Variants in MDM2 observed in about 807,000 individuals in gnomAD.
The protein encoded by MDM2 is E3 ubiquitin-protein ligase Mdm2.
MDM2 carries 11 observed loss-of-function variants against 64.3 expected under a neutral mutation model. The observed-to-expected ratio is 0.17, with a 90% CI of 0.11 to 0.28. MDM2 has a LOEUF of 0.28. Ranked by LOEUF, MDM2 falls within the 10% of genes least tolerant of loss-of-function variation. The pLI, the probability that MDM2 is intolerant of heterozygous loss-of-function variation, is 1.00. For missense variants in MDM2, 388 were observed against 577.1 expected, an observed-to-expected ratio of 0.67 and a Z score of 3.36; for synonymous variants, 194 against 192.9, an observed-to-expected ratio of 1.01 and a Z score of -0.05.
chr12:68,808,630 T>TGGGGCAC (rs1880577007), intron 1 of MDM2, 139 bp downstream of exon 1: 3 of 1,209,936 alleles, frequency 2.5e-6, no homozygotes, highest in Non-Finnish European at 3.4e-6. Context: ...GCGCGGGGCA[T>TGGGGCAC]GGGGCACGTG....
At position 68,809,288 on chromosome 12, in the gene MDM2, C is replaced by T. The variant is rs772554005; in HGVS notation, c.95C>T (p.Thr32Ile). The T allele has an allele frequency of 2.5e-6, 4 of 1,613,598 alleles. No homozygotes were observed. The highest frequency in any genetic ancestry group is 2.7e-5 in the African/African-American group (2 of 74,990). The change falls in exon 2 of 11, where the codon ACC (threonine) becomes ATC (isoleucine). Residue 32 changes from threonine (T) to isoleucine (I), a missense_variant. Transcript: ENST00000258149. ...CAGATTCCAGCTTCGGAACAAGAGACCCTGGTTAGTATTTTTGTCTCGTGT... is the reference window on the plus strand; with the variant it reads ...CAGATTCCAGCTTCGGAACAAGAGATCCTGGTTAGTATTTTTGTCTCGTGT... ...TSQIPASEQE[T>I]LVRPKPLLLK... is the part of the protein sequence containing the mutation.
chr12:68,842,556 C>T lies in MDM2; in HGVS notation c.*2707C>T, dbSNP rs1046628148. ...AAAACAGATAATATGGATGTTTGAT[C>T]GCATCTCATTGTTAACTCTTTACTG... On this transcript the variant is annotated 3_prime_UTR_variant, in exon 11 of 11. Transcript: ENST00000258149. The T allele has an allele frequency of 1.2e-5, 4 of 345,472 alleles. No individual in the cohort carries two copies. Among genetic ancestry groups the T allele is most frequent in the Admixed American group, 3.9e-5 (1 of 25,368 alleles). 21.4% of individuals were successfully genotyped at this position (345,472 alleles called of 1,614,324 possible). A position where few individuals can be genotyped will look rare whatever the true frequency, so the allele number is the denominator to read the frequency against.
rs921447147 is a variant in MDM2, at chr12:68,842,098, A to G, written c.*2249A>G. The G allele has an allele frequency of 9.1e-5, 38 of 418,354 alleles. No homozygotes were observed. The Admixed American group carries it at 1.3e-3, about 14-fold the overall frequency. 25.9% of individuals were successfully genotyped at this position (418,354 alleles called of 1,614,324 possible). A position where few individuals can be genotyped will look rare whatever the true frequency, so the allele number is the denominator to read the frequency against. ...AGCATTCTGTAAAGCAACTGCTAAT[A>G]ATGAGCTTACAGTGGATTTGAATTT... On this transcript the variant is annotated 3_prime_UTR_variant, in exon 11 of 11. Transcript: ENST00000258149.
Position 68,843,150 on chromosome 12 carries a change from T to C in MDM2, c.*3301T>C. 2 of 223,614 alleles carry C rather than the reference T, an allele frequency of 8.9e-6. No homozygotes were observed. Among genetic ancestry groups the C allele is most frequent in the Non-Finnish European group, 1.8e-5 (2 of 112,064 alleles). 13.9% of individuals were successfully genotyped at this position (223,614 alleles called of 1,614,324 possible). ...TGGAAAACAATGTATGGGTAGAACA[T>C]GTGTCTGTTAATTGCACACAAAACC... On this transcript the variant is annotated 3_prime_UTR_variant, in exon 11 of 11. Coordinates refer to ENST00000258149, the MANE Select transcript of MDM2 (RefSeq NM_002392.6).
rs948600069 is a variant in MDM2 at position 68,845,164 on chromosome 12, T to C, written c.*5315T>C. Reference sequence around the variant, plus strand: ...CATTGTGAAAAGTTTTTAGTTGCGCTTTATGGGTGGATGCTGAATTACATT... The same window carrying C: ...CATTGTGAAAAGTTTTTAGTTGCGCCTTATGGGTGGATGCTGAATTACATT... On this transcript the variant is annotated 3_prime_UTR_variant, in exon 11 of 11. Transcript: ENST00000258149. The C allele has an allele frequency of 4.5e-6, 1 of 223,534 alleles. No individual in the cohort carries two copies. The highest frequency in any genetic ancestry group is 8.9e-6 in the Non-Finnish European group (1 of 112,234). The allele number at this position is 223,534 out of a possible 1,614,324, so 13.8% of individuals were successfully genotyped here. A position where few individuals can be genotyped will look rare whatever the true frequency, so the allele number is the denominator to read the frequency against.
intron 7 of MDM2, 150 bp downstream of exon 7, chr12:68,824,801 G>T: frequency 1.6e-6 from 1 of 608,014 alleles, no homozygotes; most frequent in Non-Finnish European, 2.9e-6. Context: ...GATTTTATTT[G>T]ATTTACAAAT....
At chr12:68,846,558 A>G (rs1045484117), downstream of MDM2, 1 of 152,118 alleles carries the variant, frequency 6.6e-6, no homozygotes, top group African/African-American at 2.4e-5. Context: ...ATCTCCCTAA[A>G]TGGATTTCAC....
intron 9 of MDM2, 64 bp downstream of exon 9, chr12:68,836,048 C>T (rs970219649): frequency 1.5e-6 from 2 of 1,325,128 alleles, no homozygotes; most frequent in Non-Finnish European, 2.0e-6. Flanking sequence ...TGTTCATTGA[C>T]TTTGAGATTG....
rs1187050235 is a variant in MDM2, at chr12:68,839,540, A to G, written c.1185A>G (p.Gln395=). The change falls in exon 11 of 11, where the codon CAA becomes CAG. Residue 395 remains glutamine, a synonymous_variant. Transcript: ENST00000258149. The stretch of plus-strand genomic sequence containing the variant: ...AAATTACACAAGCTTCACAATCACA[A>G]GAAAGTGAAGACTATTCTCAGCCAT... ...DDKITQASQS[Q]ESEDYSQPST... The G allele has an allele frequency of 7.4e-6, 12 of 1,613,888 alleles. No individual in the cohort carries two copies. The highest frequency in any genetic ancestry group is 9.3e-6 in the Non-Finnish European group (11 of 1,180,024).
At chr12:68,835,808 T>A in intron 8 of MDM2, 21 bp from the exon 9 acceptor site, 1 of 1,607,120 alleles carries the variant, frequency 6.2e-7, no homozygotes, top group Non-Finnish European at 8.5e-7. Context: ...TATTAAGTTA[T>A]ATATTTTTTT....
At chr12:68,825,627 G>A (rs1882250848) in intron 7 of MDM2, among the ~76,000 whole-genome samples, 1 of 152,132 alleles carries the variant, frequency 6.6e-6, no homozygotes, top group Admixed American at 6.5e-5. Context: ...CACTCCGCCT[G>A]GGCGACACAG....
chr12:68,832,181 T>C (rs954842554), intron 8 of MDM2, among the ~76,000 whole-genome samples: 15 of 152,176 alleles, frequency 9.9e-5, no homozygotes, highest in Non-Finnish European at 1.9e-4. Flanking sequence ...TTTGAGAATG[T>C]TGTAGTCATC....
Position 68,842,694 on chromosome 12 carries a change from T to C in MDM2, c.*2845T>C, listed in dbSNP as rs1214180575. 1.0e-5 allele frequency: 2 copies of C among 198,544 alleles called. No individual in the cohort carries two copies. The highest frequency in any genetic ancestry group is 2.1e-5 in the Non-Finnish European group (2 of 94,744). 12.3% of individuals were successfully genotyped at this position (198,544 alleles called of 1,614,324 possible). On this transcript the variant is annotated 3_prime_UTR_variant, in exon 11 of 11. Coordinates refer to ENST00000258149, the MANE Select transcript of MDM2 (RefSeq NM_002392.6). ...ATTCAAAAATTTATGGCTAGTGATA[T>C]ATATAAAGTAAAATTTTCTTTGCAG...
intron 8 of MDM2, among the ~76,000 whole-genome samples, chr12:68,833,635 GGCC>G (rs1565744433): frequency 6.6e-6 from 1 of 151,558 alleles, no homozygotes; most frequent in South Asian, 2.1e-4. Context: ...GGCTCTGCCG[GGCC>G]ATGGTTTCTG....
At chr12:68,811,895 T>C (rs3730507) in intron 2 of MDM2, among the ~76,000 whole-genome samples, 10,165 of 152,080 alleles carry the variant, frequency 0.067, 1,120 homozygotes, top group African/African-American at 0.23. Context: ...CCACTGCGCC[T>C]GGCCCACACC....
At chr12:68,819,249 GACAA>G (rs1267773188) in intron 4 of MDM2, among the ~76,000 whole-genome samples, 3 of 152,104 alleles carry the variant, frequency 2.0e-5, no homozygotes, top group African/African-American at 7.2e-5. Context: ...AATATTTTGT[GACAA>G]ACACTCTCTT....
At chr12:68,849,482 T>C (rs1163488367), downstream of MDM2, 1 of 151,826 alleles carries the variant, frequency 6.6e-6, no homozygotes, top group Non-Finnish European at 1.5e-5. Flanking sequence ...CTATCTCAGC[T>C]CACTGCAAAC....
intron 2 of MDM2, 146 bp downstream of exon 2, chr12:68,809,438 C>A: frequency 1.4e-6 from 1 of 737,962 alleles, no homozygotes; most frequent in South Asian, 1.7e-5. Flanking sequence ...GGCGTAACTG[C>A]GTGGAGTTAA....
At chr12:68,815,364 GAAAGCTAGTA>G (rs1262120390) in intron 3 of MDM2, among the ~76,000 whole-genome samples, 1 of 150,738 alleles carries the variant, frequency 6.6e-6, no homozygotes, top group African/African-American at 2.4e-5. Context: ...GGAAGGTAGT[GAAAGCTAGTA>G]TGGGTAGTAA....
Sources: gnomAD v4.1 joint callset for allele counts (sites outside exome capture counted in the v4.1 genomes callset) on GRCh38, gnomAD v4.1.1 for gene constraint, MANE v1.5 for transcripts, NCBI Gene and HGNC (gene_info 2026-07-23, HGNC 2026-07-21) for gene names.